CKAP5: variants seen among roughly 807,000 people sequenced by gnomAD.
The protein encoded by CKAP5 is cytoskeleton-associated protein 5.
Under a neutral mutation model 232.8 loss-of-function variants are expected in CKAP5, and 27 were observed. That is an observed-to-expected ratio of 0.12 (90% CI 0.09 to 0.16). The LOEUF is 0.16. CKAP5 is among the 10% of genes least tolerant of loss of function. The pLI is 1.00. For synonymous variants in CKAP5, 785 were observed against 841.1 expected (o/e 0.93, Z 1.16); for missense variants, 1,838 against 2,424.7 (o/e 0.76, Z 5.08).
At chr11:46,768,684 C>G (rs917295507) in intron 26 of CKAP5, among the ~76,000 whole-genome samples, 1 of 151,002 alleles carries the variant, frequency 6.6e-6, no homozygotes, top group Non-Finnish European at 1.5e-5. Context: ...TGGGCTGAAG[C>G]GATCCTCCCA....
intron 37 of CKAP5, chr11:46,753,073 C>CT: frequency 2.2e-6 from 1 of 451,992 alleles, no homozygotes; most frequent in Non-Finnish European, 3.9e-6. Flanking sequence ...TAGCTATGGT[C>CT]TCAGGCTAAA....
In CKAP5 at chr11:46,818,494, C is replaced by A; in HGVS notation, c.67G>T (p.Ala23Ser). 1 of 1,559,602 alleles carries A rather than the reference C, an allele frequency of 6.4e-7. No individual in the cohort carries two copies. The highest frequency in any genetic ancestry group is 1.4e-5 in the African/African-American group (1 of 71,678). ...DQKCEHKLWK[A>S]RLSGYEEALK... ...GCCTCTTCATACCCACTTAACCTTG[C>A]TTTCCACAGCTAAAAGAAAAGTAGT... Residue 23 changes from alanine (A) to serine (S), a missense_variant, in exon 3 of 44, where the codon GCA (alanine) becomes TCA (serine). Transcript: ENST00000529230.
At position 46,778,457 on chromosome 11, in the gene CKAP5, T is replaced by A; in HGVS notation, c.2573+3A>T. The A allele has an allele frequency of 6.2e-7, 1 of 1,614,160 alleles. No individual in the cohort carries two copies. Among genetic ancestry groups the A allele is most frequent in the Non-Finnish European group, 8.5e-7 (1 of 1,179,994 alleles). ...ATAAACCATTTCACAGACTGGAACC[T>A]ACCTGATCTCCGTCCTCGGCAAAAG... On this transcript the variant is annotated splice_donor_region_variant and intron_variant, in intron 21 of 43. Transcript: ENST00000529230.
chr11:46,821,381 C>T (rs914167935), intron 1 of CKAP5, 113 bp from the exon 2 acceptor site: 3 of 511,180 alleles, frequency 5.9e-6, no homozygotes, highest in African/African-American at 2.1e-5. Context: ...GTAAAAATCC[C>T]GTTCTTTCGT....
chr11:46,766,586 A>G (rs1381330991), intron 27 of CKAP5, among the ~76,000 whole-genome samples: 1 of 152,192 alleles, frequency 6.6e-6, no homozygotes, highest in African/African-American at 2.4e-5. Flanking sequence ...TTTTTTCATC[A>G]ATTACAGGAA....
At chr11:46,794,386 C>T (rs1044457095) in intron 13 of CKAP5, among the ~76,000 whole-genome samples, 1 of 152,044 alleles carries the variant, frequency 6.6e-6, no homozygotes, top group Non-Finnish European at 1.5e-5. Flanking sequence ...ATTGCTTGAG[C>T]CTGGGAGGTA....
chr11:46,805,255 A>C (rs2134664030), intron 8 of CKAP5, among the ~76,000 whole-genome samples: 1 of 152,210 alleles, frequency 6.6e-6, no homozygotes, highest in South Asian at 2.1e-4. Context: ...ACATCAATTA[A>C]AAATAATAGA....
At chr11:46,822,741 CAAAAA>C (rs57170422) in intron 1 of CKAP5, among the ~76,000 whole-genome samples, 21 of 77,850 alleles carry the variant, frequency 2.7e-4, no homozygotes, top group African/African-American at 8.0e-4. Flanking sequence ...GACTCCGTCC[CAAAAA>C]AAAAAAAAAA....
chr11:46,812,736 C>T (rs1424071782), intron 4 of CKAP5, among the ~76,000 whole-genome samples: 1 of 152,012 alleles, frequency 6.6e-6, no homozygotes, highest in Non-Finnish European at 1.5e-5. Flanking sequence ...CTTCCCTGCT[C>T]AAGCTATTCT....
chr11:46,824,629 A>T (rs1592484476), intron 1 of CKAP5, among the ~76,000 whole-genome samples: 2 of 152,302 alleles, frequency 1.3e-5, no homozygotes, highest in South Asian at 4.1e-4. Flanking sequence ...AAATTATTAT[A>T]CCTCTGTATT....
intron 13 of CKAP5, 138 bp from the exon 14 acceptor site, chr11:46,790,721 C>T: frequency 1.6e-6 from 1 of 617,708 alleles, no homozygotes; most frequent in Non-Finnish European, 2.8e-6. Context: ...CAGCTTGCTA[C>T]AGGTTCAACC....
intron 37 of CKAP5, 150 bp from the exon 38 acceptor site, chr11:46,752,860 G>A (rs1191841622): frequency 3.4e-6 from 2 of 580,110 alleles, no homozygotes; most frequent in Non-Finnish European, 6.0e-6. Flanking sequence ...CTGACATTCA[G>A]TTAAGAAAAT....
At position 46,789,571 on chromosome 11, in the gene CKAP5, C is replaced by T. The variant is rs377642697; in HGVS notation, c.1875+505G>A. Reference sequence around the variant, plus strand: ...CAGCACTTTGGGAGGCTGAGGCGGGCGGATCACGAGGTCAGGAGATCAAGA... The same window carrying T: ...CAGCACTTTGGGAGGCTGAGGCGGGTGGATCACGAGGTCAGGAGATCAAGA... On this transcript the variant is annotated intron_variant, in intron 15 of 43. Transcript: ENST00000529230. Among the ~76,000 whole-genome samples the T allele has an allele frequency of 7.9e-5, 12 of 151,948 alleles. No homozygotes were observed. The East Asian group carries it at 1.7e-3, about 22-fold the overall frequency.
chr11:46,770,050 T>C lies in CKAP5; in HGVS notation c.3235A>G (p.Asn1079Asp). ...VLAMLEKAKV[N>D]MPAKPAPPTK... ...GGTGGAGCAGGCTTGGCTGGCATGT[T>C]AACTTTGGCTTTCTCTAGCATGGCC... Residue 1079 changes from asparagine (N) to aspartate (D), a missense_variant, in exon 26 of 44, where the codon AAC (asparagine) becomes GAC (aspartate). Asn to Asp is a conservative substitution (Grantham distance 23, BLOSUM62 1). Around this residue, in one of 6 missense-constraint regions of CKAP5, gnomAD observed 767 missense variants for 954.6 expected, o/e 0.80. Transcript: ENST00000529230. 1 of 1,614,166 alleles carries C rather than the reference T, an allele frequency of 6.2e-7. No homozygotes were observed. Among genetic ancestry groups the C allele is most frequent in the South Asian group, 1.1e-5 (1 of 91,086 alleles).
rs770719414 is a variant in CKAP5, at chr11:46,821,048, A to G, written c.57+127T>C. The G allele has an allele frequency of 5.7e-5, 32 of 562,374 alleles. No individual in the cohort carries two copies. In the Middle Eastern group the frequency reaches 1.4e-3, roughly 25 times the overall value. The allele number at this position is 562,374 out of a possible 1,614,324, so 34.8% of individuals were successfully genotyped here. A position where few individuals can be genotyped will look rare whatever the true frequency, so the allele number is the denominator to read the frequency against. On this transcript the variant is annotated intron_variant, in intron 2 of 43. Coordinates refer to ENST00000529230, the MANE Select transcript of CKAP5 (RefSeq NM_001008938.4). Reference sequence around the variant, plus strand: ...CCTATTTTCAATGAGAAAAAATAACATATCTAACAAGGCATCAGTATTTTT... The same window carrying G: ...CCTATTTTCAATGAGAAAAAATAACGTATCTAACAAGGCATCAGTATTTTT...
intron 26 of CKAP5, among the ~76,000 whole-genome samples, chr11:46,769,647 G>A (rs1045959909): frequency 6.6e-6 from 1 of 151,744 alleles, no homozygotes; most frequent in African/African-American, 2.4e-5. Context: ...AGTGAGCTAT[G>A]ATCACGCCAC....
intron 13 of CKAP5, 56 bp downstream of exon 13, chr11:46,795,538 G>T: frequency 7.0e-7 from 1 of 1,424,354 alleles, no homozygotes; most frequent in South Asian, 1.4e-5. Flanking sequence ...GAACAACCAC[G>T]AACCTGAGAC....
At chr11:46,829,871 TG>T (rs1427494335) in intron 1 of CKAP5, among the ~76,000 whole-genome samples, 1 of 151,688 alleles carries the variant, frequency 6.6e-6, no homozygotes, top group Non-Finnish European at 1.5e-5. Context: ...TGTGTGTGTG[TG>T]TGTGTGTGTG....
chr11:46,751,119 A>G lies in CKAP5; in HGVS notation c.5459T>C (p.Ile1820Thr), dbSNP rs1219625741. 6.2e-7 allele frequency: 1 copy of G among 1,614,088 alleles called. No homozygotes were observed. The highest frequency in any genetic ancestry group is 1.7e-5 in the Admixed American group (1 of 60,004). ...DKETEKGASRIDEKSSKAKVN... is the reference protein window; with the variant it reads ...DKETEKGASRTDEKSSKAKVN... ...AATCTTTCAAGTCAGGCCACTCACT[A>G]TTCGAGATGCTCCCTTTTCTGTTTC... The change falls in exon 40 of 44, where the codon ATA (isoleucine) becomes ACA (threonine). Residue 1820 changes from isoleucine to threonine, a missense_variant and splice_region_variant. By Grantham distance (89) the Ile-to-Thr change is moderately conservative. Coordinates refer to ENST00000529230, the MANE Select transcript of CKAP5 (RefSeq NM_001008938.4).
Sources: gnomAD v4.1 joint callset for allele counts (sites outside exome capture counted in the v4.1 genomes callset) on GRCh38, gnomAD v4.1.1 for gene constraint, gnomAD v4.1.1 regional missense constraint, MANE v1.5 for transcripts, NCBI Gene and HGNC (gene_info 2026-07-23, HGNC 2026-07-21) for gene names.